Variants in LCOR observed in about 807,000 individuals in gnomAD.
LCOR encodes the protein ligand dependent nuclear receptor corepressor.
Under a neutral mutation model 64.4 loss-of-function variants are expected in LCOR, and 14 were observed. That is an observed-to-expected ratio of 0.22 (90% CI 0.14 to 0.34). The LOEUF is 0.34. Ranked by LOEUF, LCOR falls within the 10% of genes least tolerant of loss-of-function variation. LCOR has a pLI of 1.00. For missense variants in LCOR, 1,686 were observed against 1,765.3 expected, an observed-to-expected ratio of 0.96 and a Z score of 0.80; for synonymous variants, 643 against 642.5, an observed-to-expected ratio of 1.00 and a Z score of -0.01.
chr10:96,947,024 G>A (rs1243683182), intron 5 of LCOR, among the ~76,000 whole-genome samples: 1 of 152,026 alleles, frequency 6.6e-6, no homozygotes, highest in Non-Finnish European at 1.5e-5. Context: ...TTTATGTAGG[G>A]AGAAAAGTGG....
chr10:96,896,335 T>TG (rs1051231110), intron 2 of LCOR, among the ~76,000 whole-genome samples: 2 of 152,164 alleles, frequency 1.3e-5, no homozygotes, highest in East Asian at 1.9e-4. Context: ...TTGTGAGGAA[T>TG]GGGGGAAAAT....
chr10:96,934,867 G>A (rs370718537), intron 4 of LCOR, among the ~76,000 whole-genome samples: 4 of 152,154 alleles, frequency 2.6e-5, no homozygotes, highest in African/African-American at 7.2e-5. Context: ...CTCCAAAAGG[G>A]CTGGGTTTAC....
intron 4 of LCOR, among the ~76,000 whole-genome samples, chr10:96,920,628 G>GTATATATGTATA (rs1847047919): frequency 4.3e-5 from 6 of 140,716 alleles, no homozygotes; most frequent in African/African-American, 1.3e-4. Flanking sequence ...ATATATGTAT[G>GTATATATGTATA]TACATTCATA....
At position 96,902,053 on chromosome 10, in the gene LCOR, C is replaced by T. The variant is rs186529071; in HGVS notation, c.-329-5212C>T. On this transcript the variant is annotated intron_variant, in intron 2 of 7. Coordinates refer to ENST00000421806, the MANE Select transcript of LCOR (RefSeq NM_001346516.2). ...TTGTTGTGTATTTCTCTACTTAATTCTATTTGGTAATTTTAGTAGTTTTTC... is the reference window on the plus strand; with the variant it reads ...TTGTTGTGTATTTCTCTACTTAATTTTATTTGGTAATTTTAGTAGTTTTTC... 3.3e-5 allele frequency among the ~76,000 whole-genome samples: 5 copies of T among 151,750 alleles called. No individual in the cohort carries two copies. In the East Asian group the frequency reaches 7.7e-4, roughly 23 times the overall value.
At chr10:96,970,842 C>T (rs930924625) in intron 7 of LCOR, among the ~76,000 whole-genome samples, 1 of 151,720 alleles carries the variant, frequency 6.6e-6, no homozygotes, top group African/African-American at 2.4e-5. Context: ...TGGTCTCGAA[C>T]TCCTGAGCTC....
chr10:96,945,191 G>A (rs1002996980), intron 5 of LCOR, among the ~76,000 whole-genome samples: 1 of 152,014 alleles, frequency 6.6e-6, no homozygotes, highest in Non-Finnish European at 1.5e-5. Context: ...TTCTTCATAT[G>A]TTCTAGTTTA....
chr10:96,869,562 G>A (rs989158147), intron 2 of LCOR, among the ~76,000 whole-genome samples: 8 of 149,324 alleles, frequency 5.4e-5, no homozygotes, highest in African/African-American at 2.0e-4. Context: ...TCGTTCATTG[G>A]TTCTTTCTTT....
At chr10:96,945,700 CAG>C (rs951824800) in intron 5 of LCOR, among the ~76,000 whole-genome samples, 19 of 152,280 alleles carry the variant, frequency 1.2e-4, no homozygotes, top group African/African-American at 3.8e-4. Flanking sequence ...AGGATGTACA[CAG>C]AGTCATTGAT....
At chr10:96,887,363 C>T (rs1196578942) in intron 2 of LCOR, among the ~76,000 whole-genome samples, 6 of 151,900 alleles carry the variant, frequency 3.9e-5, no homozygotes, top group African/African-American at 9.7e-5. Context: ...GTCAGGAGAT[C>T]GAGACCATCC....
At chr10:96,980,475 G>T (rs1319357088) in intron 7 of LCOR, among the ~76,000 whole-genome samples, 2 of 152,104 alleles carry the variant, frequency 1.3e-5, no homozygotes, top group East Asian at 1.9e-4. Flanking sequence ...TTATAATTAG[G>T]TAAATAATTC....
rs11188980 is a variant in LCOR, at chr10:96,981,536, A to G, written c.1076A>G (p.Asn359Ser). 27,119 of 1,614,202 alleles carry G rather than the reference A, an allele frequency of 0.017. 1,960 individuals carry two copies. The East Asian group carries it at 0.2, about 12-fold the overall frequency. The change falls in exon 8 of 8, where the codon AAC (asparagine) becomes AGC (serine). Residue 359 changes from asparagine (N) to serine (S), a missense_variant. By Grantham distance (46) the Asn-to-Ser change is conservative. Around this residue, in one of 3 missense-constraint regions of LCOR, gnomAD observed 313 missense variants for 247.2 expected, o/e 1.27. Transcript: ENST00000421806. ...EEAWNSGFMG[N>S]SSRTADKENT... ...GCTTGGAACTCAGGGTTTATGGGGA[A>G]CTCATCTAGAACTGCTGACAAAGAG...
At chr10:96,953,768 A>G (rs1297219471) in intron 7 of LCOR, among the ~76,000 whole-genome samples, 3 of 152,200 alleles carry the variant, frequency 2.0e-5, no homozygotes, top group Non-Finnish European at 4.4e-5. Context: ...AAATGCACCA[A>G]TAGGATTGCC....
Position 96,850,258 on chromosome 10 carries a change from G to C in LCOR, c.-330+16779G>C, listed in dbSNP as rs75005331. On this transcript the variant is annotated intron_variant, in intron 2 of 7. Transcript: ENST00000421806. ...TTACTGGTATGCTTGTCATGAAGCG[G>C]AAAGATCAAGGCCGGGCGCAGTGGC... Among the ~76,000 whole-genome samples, 1,218 of 152,202 alleles carry C rather than the reference G, an allele frequency of 8.0e-3. 7 individuals carry two copies. The highest frequency in any genetic ancestry group is 0.013 in the Non-Finnish European group (872 of 68,002).
intron 4 of LCOR, among the ~76,000 whole-genome samples, chr10:96,936,882 T>C (rs1432146641): frequency 6.6e-6 from 1 of 152,166 alleles, no homozygotes; most frequent in Non-Finnish European, 1.5e-5. Context: ...AATTTGTAAA[T>C]TAGTCACAAT....
At chr10:96,943,962 C>T (rs1438339590) in intron 4 of LCOR, among the ~76,000 whole-genome samples, 151 bp from the exon 5 acceptor site, 5 of 152,060 alleles carry the variant, frequency 3.3e-5, no homozygotes, top group Admixed American at 6.6e-5. Flanking sequence ...TGCTTGTATA[C>T]TTTTTCATAA....
chr10:96,935,463 TTATTA>T lies in LCOR; in HGVS notation c.-183-8649_-183-8645del, dbSNP rs541232520. On this transcript the variant is annotated intron_variant, in intron 4 of 7. Coordinates refer to ENST00000421806, the MANE Select transcript of LCOR (RefSeq NM_001346516.2). ...TGCGCCTGGTCATCTCCTGGCTATT[TTATTA>T]GCTCTGTTAGTTGTATGTCATACAA... Among the ~76,000 whole-genome samples, 87 of 152,246 alleles carry T rather than the reference TTATTA, an allele frequency of 5.7e-4. 2 individuals are homozygous for T. Among genetic ancestry groups the T allele is most frequent in the Admixed American group, 5.2e-3 (79 of 15,290 alleles).
chr10:96,872,655 A>G (rs1434654166), intron 2 of LCOR, among the ~76,000 whole-genome samples: 1 of 152,212 alleles, frequency 6.6e-6, no homozygotes, highest in East Asian at 1.9e-4. Context: ...ACTGCACTCC[A>G]GCATAAGACT....
At chr10:96,970,624 A>ATTTTT (rs1181172810) in intron 7 of LCOR, among the ~76,000 whole-genome samples, 1 of 129,288 alleles carries the variant, frequency 7.7e-6, no homozygotes, top group African/African-American at 3.0e-5. Flanking sequence ...ATTTTATTTT[A>ATTTTT]TTTATTTTAT....
In LCOR at chr10:96,981,181, A is replaced by G; in HGVS notation, c.721A>G (p.Thr241Ala). Residue 241 changes from threonine (T) to alanine (A), a missense_variant, in exon 8 of 8, where the codon ACT becomes GCT. Thr to Ala is a moderately conservative substitution (Grantham distance 58). Transcript: ENST00000421806. ...NPVDGRENAL[T>A]VVQKDSSELP... Reference sequence around the variant, plus strand: ...TGTAGATGGAAGAGAGAATGCCTTGACTGTTGTCCAGAAAGATTCCTCTGA... The same window carrying G: ...TGTAGATGGAAGAGAGAATGCCTTGGCTGTTGTCCAGAAAGATTCCTCTGA... The G allele has an allele frequency of 1.4e-6, 1 of 723,756 alleles. No homozygotes were observed. Among genetic ancestry groups the G allele is most frequent in the Non-Finnish European group, 2.5e-6 (1 of 403,882 alleles). The allele number at this position is 723,756 out of a possible 1,614,324, so 44.8% of individuals were successfully genotyped here.
Sources: allele counts gnomAD v4.1 joint callset (sites outside exome capture counted in the v4.1 genomes callset), GRCh38; gene constraint gnomAD v4.1.1; regional missense constraint gnomAD v4.1.1; transcripts MANE v1.5; gene names NCBI Gene and HGNC (gene_info 2026-07-23, HGNC 2026-07-21).